C14orf39: variants seen among roughly 807,000 people sequenced by gnomAD.
C14orf39 encodes the protein chromosome 14 open reading frame 39.
In C14orf39, 66 loss-of-function variants were observed where a neutral mutation model predicts 85.6. The ratio of observed to expected loss-of-function variants is 0.77; its 90% CI spans 0.63 to 0.95. The LOEUF is 0.95. Among genes scored for constraint, C14orf39 ranks in the 40% least tolerant of loss-of-function variants. The pLI, the probability that C14orf39 is intolerant of heterozygous loss-of-function variation, is 0.00. For missense variants in C14orf39, 735 were observed against 663.9 expected, an observed-to-expected ratio of 1.11 and a Z score of -1.18; for synonymous variants, 242 against 214.0, an observed-to-expected ratio of 1.13 and a Z score of -1.14.
intron 1 of C14orf39, among the ~76,000 whole-genome samples, chr14:60,507,006 C>T (rs1022192077): frequency 2.6e-5 from 4 of 152,120 alleles, no homozygotes; most frequent in Non-Finnish European, 4.4e-5. Flanking sequence ...GAGAGGGAGA[C>T]GTGTGGTCTC....
At chr14:60,456,811 A>G in intron 15 of C14orf39, 106 bp downstream of exon 15, 1 of 946,304 alleles carries the variant, frequency 1.1e-6, no homozygotes, top group South Asian at 2.0e-5. Flanking sequence ...GAAATACTAC[A>G]TAATAAAAAC....
chr14:60,468,763 C>T (rs1891923944), intron 8 of C14orf39, among the ~76,000 whole-genome samples: 1 of 151,476 alleles, frequency 6.6e-6, no homozygotes, highest in Non-Finnish European at 1.5e-5. Flanking sequence ...TAACAAACTC[C>T]CATCTTTTTA....
chr14:60,460,895 A>C (rs867184092), intron 13 of C14orf39, among the ~76,000 whole-genome samples: 22 of 152,008 alleles, frequency 1.4e-4, no homozygotes, highest in Admixed American at 5.9e-4. Context: ...CTGAAAAAAA[A>C]CCAAAATATT....
Position 60,485,087 on chromosome 14 carries a change from C to CTA in C14orf39, c.-8-3_-8-2dup. 1 of 1,595,516 alleles carries CTA rather than the reference C, an allele frequency of 6.3e-7. No individual in the cohort carries two copies. The highest frequency in any genetic ancestry group is 8.5e-7 in the Non-Finnish European group (1 of 1,175,396). The stretch of plus-strand genomic sequence containing the variant: ...AACAGGCTGTCATTCATCTTGGATA[C>CTA]TATGTTAAATGAAAAAAAAAATTAT... On this transcript the variant is annotated splice_acceptor_variant, in intron 1 of 17. Coordinates refer to ENST00000321731, the MANE Select transcript of C14orf39 (RefSeq NM_174978.3). LOFTEE classifies it low-confidence loss of function (5UTR_SPLICE).
chr14:60,469,699 A>G, intron 7 of C14orf39, 46 bp from the exon 8 acceptor site: 1 of 803,260 alleles, frequency 1.2e-6, no homozygotes, highest in Non-Finnish European at 1.8e-6. Context: ...TTTTATATTT[A>G]TAATATATGT....
chr14:60,469,180 A>C (rs115159614), intron 8 of C14orf39, among the ~76,000 whole-genome samples: 1 of 151,098 alleles, frequency 6.6e-6, no homozygotes, highest in African/African-American at 2.4e-5. Flanking sequence ...ACTGGCGTAG[A>C]TCTTTTAATG....
chr14:60,503,862 T>C (rs546787273), intron 1 of C14orf39, among the ~76,000 whole-genome samples: 69 of 152,354 alleles, frequency 4.5e-4, no homozygotes, highest in African/African-American at 1.6e-3. Context: ...GAGTCCTTTG[T>C]AAATGCTTCA....
intron 11 of C14orf39, among the ~76,000 whole-genome samples, chr14:60,462,898 G>C (rs1363700418): frequency 1.3e-5 from 2 of 151,904 alleles, no homozygotes; most frequent in African/African-American, 2.4e-5. Flanking sequence ...CCAAAAGATT[G>C]GACACACCTG....
At chr14:60,480,129 AAG>A (rs1358348820) in intron 4 of C14orf39, among the ~76,000 whole-genome samples, 3 of 152,176 alleles carry the variant, frequency 2.0e-5, no homozygotes, top group African/African-American at 7.2e-5. Context: ...TGTTATCAAA[AAG>A]ATGAATAAGG....
intron 4 of C14orf39, among the ~76,000 whole-genome samples, chr14:60,478,930 ACAT>A (rs1892518102): frequency 2.2e-5 from 1 of 44,610 alleles, no homozygotes; most frequent in Non-Finnish European, 9.5e-5. Context: ...TTCATCTTAT[ACAT>A]TTTTTATTAT....
intron 1 of C14orf39, among the ~76,000 whole-genome samples, chr14:60,503,029 A>G (rs1893165349): frequency 6.6e-6 from 1 of 152,222 alleles, no homozygotes; most frequent in Admixed American, 6.5e-5. Context: ...TGTGAGCATC[A>G]CTGTTATTCT....
intron 17 of C14orf39, among the ~76,000 whole-genome samples, chr14:60,438,780 G>A (rs1890375722): frequency 6.6e-6 from 1 of 152,152 alleles, no homozygotes; most frequent in Non-Finnish European, 1.5e-5. Flanking sequence ...GAAAGAGATA[G>A]AAGTTGGGGA....
At position 60,515,454 on chromosome 14, in the gene C14orf39, T is replaced by C. The variant is rs1301175467; in HGVS notation, c.-203A>G. 6.6e-6 allele frequency: 1 copy of C among 151,856 alleles called. No homozygotes were observed. The highest frequency in any genetic ancestry group is 6.5e-5 in the Admixed American group (1 of 15,282). 9.4% of individuals were successfully genotyped at this position (151,856 alleles called of 1,614,324 possible). A position where few individuals can be genotyped will look rare whatever the true frequency, so the allele number is the denominator to read the frequency against. ...TGTAGGCCTCGAGCCACTCCTACTG[T>C]TGGGCTGCGTGACTCAGCGGCTCGA... On this transcript the variant is annotated 5_prime_UTR_variant, in exon 1 of 6. Coordinates refer to the C14orf39 transcript ENST00000556799. The surrounding 1 kb of genome is among the most constrained non-coding windows in gnomAD (Gnocchi z 6.2).
chr14:60,455,424 T>C (rs890241077), intron 15 of C14orf39, among the ~76,000 whole-genome samples: 1 of 152,028 alleles, frequency 6.6e-6, no homozygotes, highest in African/African-American at 2.4e-5. Context: ...TTTTGAAGCA[T>C]AGAAAGGTTA....
At chr14:60,486,333 T>G (rs972627269), upstream of C14orf39, among the ~76,000 whole-genome samples, 4 of 152,234 alleles carry the variant, frequency 2.6e-5, no homozygotes, top group Middle Eastern at 3.2e-3. Context: ...TAAAGCCTAT[T>G]TATTCCTCTT....
In C14orf39 at chr14:60,455,064, A is replaced by T. The variant is rs151212013; in HGVS notation, c.1440T>A (p.Ser480=). 1 of 1,581,128 alleles carries T rather than the reference A, an allele frequency of 6.3e-7. No homozygotes were observed. The highest frequency in any genetic ancestry group is 1.7e-4 in the Middle Eastern group (1 of 5,952). ...PGLSFLMSYT[S]RSPGLNLFDS... ...CAAATAAATTCAATCCAGGTGATCTAGAAGTATAACTCATAAGAAAAGAAA... is the reference window on the plus strand; with the variant it reads ...CAAATAAATTCAATCCAGGTGATCTTGAAGTATAACTCATAAGAAAAGAAA... The change falls in exon 16 of 18, where the codon TCT becomes TCA. Residue 480 remains serine (S), a synonymous_variant. Transcript: ENST00000321731.
chr14:60,459,731 CAT>C (rs1052417532), intron 13 of C14orf39, among the ~76,000 whole-genome samples: 57 of 151,658 alleles, frequency 3.8e-4, no homozygotes, highest in African/African-American at 1.3e-3. Flanking sequence ...ACCTGATTTT[CAT>C]ATGTTTATCT....
chr14:60,458,142 C>T (rs996784231), intron 14 of C14orf39, among the ~76,000 whole-genome samples: 3 of 151,976 alleles, frequency 2.0e-5, no homozygotes, highest in African/African-American at 7.2e-5. Flanking sequence ...GAATTATTCT[C>T]TTCTAGCTAT....
At chr14:60,453,409 A>C (rs1383240116) in intron 16 of C14orf39, among the ~76,000 whole-genome samples, 1 of 151,200 alleles carries the variant, frequency 6.6e-6, no homozygotes, top group African/African-American at 2.4e-5. Context: ...ATCATTTTCC[A>C]TCCATTTACT....
Sources: gnomAD v4.1 joint callset for allele counts (sites outside exome capture counted in the v4.1 genomes callset) on GRCh38, gnomAD v4.1.1 for gene constraint, Gnocchi (gnomAD v3.1) non-coding constraint, MANE v1.5 for transcripts, NCBI Gene and HGNC (gene_info 2026-07-23, HGNC 2026-07-21) for gene names.